Variants in DOCK1 observed in about 807,000 individuals in gnomAD.
DOCK1 encodes the protein dedicator of cytokinesis protein 1.
Under a neutral mutation model 262.7 loss-of-function variants are expected in DOCK1, and 138 were observed. That is an observed-to-expected ratio of 0.53 (90% CI 0.46 to 0.61). DOCK1 has a LOEUF of 0.61. DOCK1 is among the 20% of genes least tolerant of loss of function. The pLI is 0.00. For missense variants in DOCK1, 1,908 were observed against 2,370.7 expected, an observed-to-expected ratio of 0.80 and a Z score of 4.05; for synonymous variants, 866 against 867.4, an observed-to-expected ratio of 1.00 and a Z score of 0.03.
chr10:126,975,364 G>C (rs1428314945), intron 2 of DOCK1, among the ~76,000 whole-genome samples: 2 of 152,152 alleles, frequency 1.3e-5, no homozygotes, highest in Non-Finnish European at 2.9e-5. Flanking sequence ...TTCCCAGGAG[G>C]GGGTTGCTGG....
intron 27 of DOCK1, among the ~76,000 whole-genome samples, chr10:127,200,145 T>C (rs569446997): frequency 6.6e-6 from 1 of 152,226 alleles, no homozygotes; most frequent in East Asian, 1.9e-4. Flanking sequence ...CCGATCCAGA[T>C]CCCAAGAGAG....
At chr10:127,114,405 T>C (rs2049045960) in intron 25 of DOCK1, among the ~76,000 whole-genome samples, 1 of 152,104 alleles carries the variant, frequency 6.6e-6, no homozygotes, top group South Asian at 2.1e-4. Flanking sequence ...TGTCTTAGCA[T>C]TGAATGAATT....
chr10:127,393,148 A>C (rs1462611175), intron 38 of DOCK1, among the ~76,000 whole-genome samples: 1 of 152,152 alleles, frequency 6.6e-6, no homozygotes, highest in Admixed American at 6.5e-5. Context: ...TCGATCTTAC[A>C]TGTATTTCAT....
intron 44 of DOCK1, among the ~76,000 whole-genome samples, chr10:127,416,507 C>T (rs898783732): frequency 8.5e-5 from 13 of 152,288 alleles, no homozygotes; most frequent in African/African-American, 1.7e-4. Context: ...CCTGACCTTT[C>T]GTGAGGATGC....
At chr10:127,167,168 G>A (rs1217191049) in intron 27 of DOCK1, among the ~76,000 whole-genome samples, 1 of 152,108 alleles carries the variant, frequency 6.6e-6, no homozygotes, top group Non-Finnish European at 1.5e-5. Context: ...AAAAAGGCTT[G>A]CTGTGACCCT....
intron 51 of DOCK1, among the ~76,000 whole-genome samples, chr10:127,450,054 C>T (rs559804205): frequency 6.6e-6 from 1 of 152,334 alleles, no homozygotes; most frequent in African/African-American, 2.4e-5. Context: ...ACAGTTTCAT[C>T]AGACCTCAAA....
chr10:126,905,774 G>A (rs2030637750), intron 1 of DOCK1, among the ~76,000 whole-genome samples: 2 of 150,900 alleles, frequency 1.3e-5, no homozygotes, highest in Non-Finnish European at 3.0e-5. Context: ...CCGGGGATGC[G>A]GGTCGGGAAC....
rs770306176 is a variant in DOCK1 at position 127,175,879 on chromosome 10, A to T, written c.2847+48115A>T. 1 of 1,614,194 alleles carries T rather than the reference A, an allele frequency of 6.2e-7. No individual in the cohort carries two copies. Among genetic ancestry groups the T allele is most frequent in the Non-Finnish European group, 8.5e-7 (1 of 1,180,030 alleles). ...ATGTGTTGGTTGGAATGGAAAACCA[A>T]GGCTGTGGTCTTGTGCACCCGCCCC... On this transcript the variant is annotated intron_variant, in intron 27 of 51. Transcript: ENST00000623213. This position sits in a 1 kb window ranked among gnomAD's most constrained non-coding sequence, Gnocchi z 6.3.
In DOCK1 at chr10:127,132,591, T is replaced by C. The variant is rs753679929; in HGVS notation, c.2847+4827T>C. Among the ~76,000 whole-genome samples the C allele has an allele frequency of 3.3e-5, 5 of 152,160 alleles. No homozygotes were observed. The East Asian group carries it at 7.7e-4, about 23-fold the overall frequency. On this transcript the variant is annotated intron_variant, in intron 27 of 51. Coordinates refer to ENST00000623213, the MANE Select transcript of DOCK1 (RefSeq NM_001290223.2). ...CATTTTTCCTCATCACACACGGATC[T>C]GAGCAGGTGACCGCGGCTGGGATAG...
intron 25 of DOCK1, among the ~76,000 whole-genome samples, chr10:127,121,467 G>GTGTGTGTGTGTGTT (rs1554889200): frequency 3.9e-5 from 6 of 151,998 alleles, no homozygotes; most frequent in Admixed American, 1.3e-4. Context: ...GTGTGTGTGT[G>GTGTGTGTGTGTGTT]TGTGTGTGTC....
At chr10:127,250,967 CG>C (rs1301047493) in intron 28 of DOCK1, among the ~76,000 whole-genome samples, 2 of 151,730 alleles carry the variant, frequency 1.3e-5, no homozygotes, top group East Asian at 3.9e-4. Flanking sequence ...ACTCTGACAA[CG>C]ATTTTTTTTT....
chr10:126,944,702 G>A lies in DOCK1; in HGVS notation c.47-26000G>A, dbSNP rs908920986. On this transcript the variant is annotated intron_variant, in intron 1 of 51. Transcript: ENST00000623213. ...GCTCTGCAGGGCACGTATCAGTGGCGAGGTGGATTGGGGCTCGTGTGGGCA... is the reference window on the plus strand; with the variant it reads ...GCTCTGCAGGGCACGTATCAGTGGCAAGGTGGATTGGGGCTCGTGTGGGCA... Among the ~76,000 whole-genome samples the A allele has an allele frequency of 5.6e-4, 86 of 152,226 alleles. 1 individual carries two copies. The highest frequency in any genetic ancestry group is 2.0e-3 in the African/African-American group (84 of 41,538).
chr10:127,447,602 G>T, intron 51 of DOCK1, 57 bp downstream of exon 51: 1 of 1,590,172 alleles, frequency 6.3e-7, no homozygotes. Context: ...AAAGTAGGAC[G>T]AGTCCCTCAT....
intron 38 of DOCK1, among the ~76,000 whole-genome samples, chr10:127,386,044 G>A (rs1454606802): frequency 6.6e-6 from 1 of 152,200 alleles, no homozygotes; most frequent in East Asian, 1.9e-4. Context: ...CAATTGTACT[G>A]ATGCCCGGGA....
chr10:127,013,022 G>A (rs760311999), intron 12 of DOCK1, among the ~76,000 whole-genome samples: 18 of 152,196 alleles, frequency 1.2e-4, no homozygotes, highest in Non-Finnish European at 2.6e-4. Flanking sequence ...CCGTAAACGC[G>A]GTAGAGCTTA....
chr10:127,268,718 GGT>G (rs2060462951), intron 29 of DOCK1, among the ~76,000 whole-genome samples: 1 of 152,008 alleles, frequency 6.6e-6, no homozygotes, highest in African/African-American at 2.4e-5. Context: ...AATTGGAGGT[GGT>G]TTCCCCAAGT....
rs1355549078 is a variant in DOCK1 at position 127,409,398 on chromosome 10, A to G, written c.4343+7A>G. Reference sequence around the variant, plus strand: ...TGTCAGAGCAGATTGTAAGGTAATAATCCCATTTTTCTTACCCAACGTGAG... The same window carrying G: ...TGTCAGAGCAGATTGTAAGGTAATAGTCCCATTTTTCTTACCCAACGTGAG... On this transcript the variant is annotated splice_region_variant and intron_variant, in intron 42 of 51. Transcript: ENST00000623213. The G allele has an allele frequency of 6.2e-7, 1 of 1,613,832 alleles. No homozygotes were observed. Among genetic ancestry groups the G allele is most frequent in the South Asian group, 1.1e-5 (1 of 91,068 alleles).
chr10:127,190,682 CCGTT>C (rs2056683233), intron 27 of DOCK1, among the ~76,000 whole-genome samples: 1 of 43,688 alleles, frequency 2.3e-5, no homozygotes, highest in Non-Finnish European at 4.9e-5. Context: ...CCCCCCCCCC[CCGTT>C]CCTGCTGGCT....
chr10:127,308,078 G>A (rs1420238451), intron 29 of DOCK1, among the ~76,000 whole-genome samples: 1 of 152,206 alleles, frequency 6.6e-6, no homozygotes, highest in Non-Finnish European at 1.5e-5. Context: ...CAGCACCATT[G>A]GCTGCATCTC....
Sources: allele counts gnomAD v4.1 joint callset (sites outside exome capture counted in the v4.1 genomes callset), GRCh38; gene constraint gnomAD v4.1.1; non-coding constraint Gnocchi (gnomAD v3.1); transcripts MANE v1.5; gene names NCBI Gene and HGNC (gene_info 2026-07-23, HGNC 2026-07-21).